Variants in DLG5 observed in about 807,000 individuals in gnomAD.
DLG5 encodes the protein disks large homolog 5.
Under a neutral mutation model 189.8 loss-of-function variants are expected in DLG5, and 48 were observed. That is an observed-to-expected ratio of 0.25 (90% CI 0.20 to 0.32). The LOEUF is 0.32. Ranked by LOEUF, DLG5 falls within the 10% of genes least tolerant of loss-of-function variation. The probability of loss-of-function intolerance (pLI) is 1.00; values close to 1 mark genes in which losing one functional copy is unlikely to be tolerated. For missense variants in DLG5, 2,160 were observed against 2,544.7 expected (o/e 0.85, Z 3.25); for synonymous variants, 1,016 against 1,054.1 (o/e 0.96, Z 0.70).
Position 77,796,155 on chromosome 10 carries a change from C to T in DLG5, c.5342G>A (p.Arg1781Gln), listed in dbSNP as rs200288705. ...GACAAACAGGCAATCTTTGACACCC[C>T]GCTCAATGGCCTGCTGGGAGGCCTT... Reference protein sequence around the residue: ...VMKASQQAIERGVKDCLFVDY... With the variant: ...VMKASQQAIEQGVKDCLFVDY... Residue 1781 changes from arginine (R) to glutamine (Q), a missense_variant, in exon 29 of 32, where the codon CGG (arginine) becomes CAG (glutamine). Arg to Gln is a conservative substitution (Grantham distance 43). Around this residue, in one of 5 missense-constraint regions of DLG5, gnomAD observed 574 missense variants for 644.2 expected, o/e 0.89. Transcript: ENST00000372391. This position sits in a 1 kb window ranked among gnomAD's most constrained non-coding sequence, Gnocchi z 5.2. 5.6e-6 allele frequency: 9 copies of T among 1,614,192 alleles called. No individual in the cohort carries two copies. Among genetic ancestry groups the T allele is most frequent in the African/African-American group, 2.7e-5 (2 of 75,054 alleles).
chr10:77,918,256 C>CA (rs1475673776), intron 1 of DLG5, among the ~76,000 whole-genome samples: 3 of 151,666 alleles, frequency 2.0e-5, no homozygotes, highest in South Asian at 2.1e-4. Context: ...ACTAAAAATA[C>CA]AAAAAAATTA....
intron 1 of DLG5, among the ~76,000 whole-genome samples, chr10:77,908,052 G>A (rs949888170): frequency 6.6e-6 from 1 of 152,136 alleles, no homozygotes; most frequent in Admixed American, 6.5e-5. Flanking sequence ...GAGGGCGAGG[G>A]AGTCACGGAT....
rs879021563 is a variant in DLG5, at chr10:77,830,769, G to A, written c.1853C>T (p.Thr618Met). 1 of 1,614,134 alleles carries A rather than the reference G, an allele frequency of 6.2e-7. No homozygotes were observed. The highest frequency in any genetic ancestry group is 8.5e-7 in the Non-Finnish European group (1 of 1,180,032). Residue 618 changes from threonine (T) to methionine (M), a missense_variant, in exon 10 of 32, where the codon ACG becomes ATG. Physicochemically the swap from Thr to Met is moderately conservative, Grantham distance 81 (BLOSUM62 -1). Around this residue, in one of 5 missense-constraint regions of DLG5, gnomAD observed 664 missense variants for 838.5 expected, o/e 0.79. Coordinates refer to ENST00000372391, the MANE Select transcript of DLG5 (RefSeq NM_004747.4). ...CTCCCTCTCGAACTCTACAACTTCC[G>A]TTTCCCACTCCATGGAATCCGTGTC... Reference protein sequence around the residue: ...AIDTDSMEWETEVVEFERETE... With the variant: ...AIDTDSMEWEMEVVEFERETE...
chr10:77,825,374 C>CCACACACACA (rs59102694), intron 13 of DLG5, among the ~76,000 whole-genome samples: 2,322 of 130,838 alleles, frequency 0.018, 65 homozygotes, highest in African/African-American at 0.039. Context: ...CCACACACAA[C>CCACACACACA]CACACACACA....
chr10:77,929,779 G>A (rs1473049582), upstream of DLG5: 2 of 152,238 alleles, frequency 1.3e-5, no homozygotes, highest in African/African-American at 4.8e-5. Context: ...CTGGATTTCA[G>A]ACTTCTGACC....
chr10:77,899,699 G>A (rs751331289), intron 1 of DLG5, among the ~76,000 whole-genome samples: 4 of 152,116 alleles, frequency 2.6e-5, no homozygotes, highest in Non-Finnish European at 2.9e-5. Context: ...CTATAGGTTC[G>A]CTCAGGGGTA....
At chr10:77,846,706 A>T in intron 5 of DLG5, 1 of 456,256 alleles carries the variant, frequency 2.2e-6, no homozygotes, top group Non-Finnish European at 4.4e-6. Flanking sequence ...CAAAAAAAAA[A>T]ATTACCTCAA....
intron 3 of DLG5, among the ~76,000 whole-genome samples, chr10:77,856,314 T>G (rs568871913): frequency 6.6e-6 from 1 of 152,158 alleles, no homozygotes; most frequent in African/African-American, 2.4e-5. Context: ...ATTGTGCCAC[T>G]GCATTCTAGC....
chr10:77,807,997 G>A, intron 24 of DLG5, 53 bp from the exon 25 acceptor site: 1 of 1,607,274 alleles, frequency 6.2e-7, no homozygotes, highest in Non-Finnish European at 8.5e-7. Flanking sequence ...GGGGCAGCTT[G>A]GGCACCCGAG....
intron 1 of DLG5, among the ~76,000 whole-genome samples, chr10:77,914,299 T>C (rs1457493477): frequency 7.2e-5 from 11 of 152,232 alleles, no homozygotes; most frequent in Non-Finnish European, 1.6e-4. Flanking sequence ...TGCCCTGGGA[T>C]GCCTCCTGAT....
intron 1 of DLG5, among the ~76,000 whole-genome samples, chr10:77,908,097 G>A (rs1485016185): frequency 6.6e-6 from 1 of 152,048 alleles, no homozygotes; most frequent in Non-Finnish European, 1.5e-5. Context: ...GGCCTGGAAA[G>A]CAGAGGTACC....
chr10:77,876,371 CTCT>C (rs575062324), intron 1 of DLG5, among the ~76,000 whole-genome samples: 2 of 132,460 alleles, frequency 1.5e-5, no homozygotes, highest in Non-Finnish European at 3.2e-5. Flanking sequence ...GACCCCATCT[CTCT>C]TTTTTTTTTT....
At position 77,830,198 on chromosome 10, in the gene DLG5, C is replaced by T. The variant is rs761797069; in HGVS notation, c.2009+19G>A. ...GAAGGGCCCCACCTTGCCTCCAGAG[C>T]CTGGGCCTCAACTCTTACCTTAAGC... is the stretch of plus-strand genomic sequence containing the variant. On this transcript the variant is annotated intron_variant, in intron 11 of 31. Transcript: ENST00000372391. 1.9e-6 allele frequency: 3 copies of T among 1,613,724 alleles called. No individual in the cohort carries two copies. Among genetic ancestry groups the T allele is most frequent in the Non-Finnish European group, 2.5e-6 (3 of 1,179,970 alleles).
intron 2 of DLG5, chr10:77,868,760 T>A (rs773000858): frequency 1.4e-4 from 38 of 274,668 alleles, no homozygotes; most frequent in Non-Finnish European, 2.2e-4. Context: ...CAGCATGGAC[T>A]GGCAATGCCT....
intron 2 of DLG5, chr10:77,868,009 G>A: frequency 4.4e-6 from 2 of 456,714 alleles, no homozygotes. Flanking sequence ...AAACCAAGGA[G>A]CACCAAGGAT....
At chr10:77,857,914 GGC>G (rs1844314948) in intron 2 of DLG5, among the ~76,000 whole-genome samples, 1 of 152,122 alleles carries the variant, frequency 6.6e-6, no homozygotes, top group Non-Finnish European at 1.5e-5. Context: ...ACGCACAAAG[GGC>G]ATAGGACATG....
At position 77,926,696 on chromosome 10, in the gene DLG5, C is replaced by G. The variant is rs1305236883; in HGVS notation, c.-176G>C. On this transcript the variant is annotated 5_prime_UTR_variant, in exon 1 of 32. Transcript: ENST00000372391. This position sits in a 1 kb window ranked among gnomAD's most constrained non-coding sequence, Gnocchi z 5.2. ...GCCCGGGGCGGCGGGCGGCGCTCAG[C>G]AGCGGCCGCCTCCCGGGCTCCGGAG... 6.7e-6 allele frequency among the ~76,000 whole-genome samples: 1 copy of G among 150,052 alleles called. No individual in the cohort carries two copies. Among genetic ancestry groups the G allele is most frequent in the Middle Eastern group, 3.5e-3 (1 of 288 alleles).
At chr10:77,817,700 G>A in intron 18 of DLG5, 77 bp downstream of exon 18, 2 of 1,328,214 alleles carry the variant, frequency 1.5e-6, no homozygotes, top group Non-Finnish European at 2.1e-6. Context: ...CCCACCCGCA[G>A]ATCTGGACAT....
At chr10:77,881,046 C>T (rs191190957) in intron 1 of DLG5, among the ~76,000 whole-genome samples, 11 of 140,798 alleles carry the variant, frequency 7.8e-5, no homozygotes, top group African/African-American at 2.4e-4. Context: ...GATCTCAGCT[C>T]ACTGCAACCT....
Sources: gnomAD v4.1 joint callset for allele counts (sites outside exome capture counted in the v4.1 genomes callset) on GRCh38, gnomAD v4.1.1 for gene constraint, gnomAD v4.1.1 regional missense constraint, Gnocchi (gnomAD v3.1) non-coding constraint, MANE v1.5 for transcripts, NCBI Gene and HGNC (gene_info 2026-07-23, HGNC 2026-07-21) for gene names.